Variants in CDKAL1 observed in about 807,000 individuals in gnomAD.
The protein encoded by CDKAL1 is CDKAL1 threonylcarbamoyladenosine tRNA methylthiotransferase.
CDKAL1 carries 32 observed loss-of-function variants against 68.2 expected under a neutral mutation model. The observed-to-expected ratio is 0.47, with a 90% CI of 0.35 to 0.63. The LOEUF (loss-of-function observed/expected upper bound fraction) is 0.63. Ranked by LOEUF, CDKAL1 falls within the 30% of genes least tolerant of loss-of-function variation. The pLI is 0.00. For synonymous variants in CDKAL1, 234 were observed against 244.3 expected (o/e 0.96, Z 0.39); for missense variants, 606 against 696.7 (o/e 0.87, Z 1.47).
At chr6:21,152,986 T>G (rs1042732750) in intron 13 of CDKAL1, among the ~76,000 whole-genome samples, 2 of 152,208 alleles carry the variant, frequency 1.3e-5, no homozygotes, top group Admixed American at 1.3e-4. Context: ...TTTGAGTCTT[T>G]TATCTCTCCT....
chr6:21,034,955 T>C (rs1769491777), intron 11 of CDKAL1, among the ~76,000 whole-genome samples: 1 of 152,178 alleles, frequency 6.6e-6, no homozygotes, highest in African/African-American at 2.4e-5. Context: ...TTTTGAAATC[T>C]TTTAATCTAT....
intron 4 of CDKAL1, among the ~76,000 whole-genome samples, chr6:20,570,534 A>G: frequency 6.6e-6 from 1 of 152,028 alleles, no homozygotes; most frequent in Non-Finnish European, 1.5e-5. Flanking sequence ...CCGAGTAGCT[A>G]GGACTACAGG....
At chr6:20,730,037 T>G (rs1772837144) in intron 5 of CDKAL1, among the ~76,000 whole-genome samples, 1 of 152,086 alleles carries the variant, frequency 6.6e-6, no homozygotes, top group Non-Finnish European at 1.5e-5. Flanking sequence ...AAAATTACAT[T>G]GGCCTGGCAC....
intron 13 of CDKAL1, among the ~76,000 whole-genome samples, chr6:21,167,174 T>A (rs1777188106): frequency 6.6e-6 from 1 of 152,246 alleles, no homozygotes; most frequent in Non-Finnish European, 1.5e-5. Context: ...GCATATCCTG[T>A]AGTTCTAACA....
intron 10 of CDKAL1, among the ~76,000 whole-genome samples, chr6:20,972,273 C>G (rs1765637200): frequency 6.6e-6 from 1 of 152,164 alleles, no homozygotes; most frequent in South Asian, 2.1e-4. Flanking sequence ...ACACTGGTGG[C>G]CCTGTAGAAG....
intron 8 of CDKAL1, among the ~76,000 whole-genome samples, chr6:20,842,723 C>T (rs1182434537): frequency 1.3e-5 from 2 of 152,078 alleles, no homozygotes; most frequent in Admixed American, 6.5e-5. Flanking sequence ...CCCAGCTACT[C>T]GGGAGCCTGA....
chr6:20,988,024 A>G (rs1581972045), intron 10 of CDKAL1, among the ~76,000 whole-genome samples: 2 of 149,456 alleles, frequency 1.3e-5, no homozygotes, highest in Non-Finnish European at 3.0e-5. Context: ...CATTCAAGCT[A>G]TCCTCCCACC....
intron 9 of CDKAL1, among the ~76,000 whole-genome samples, chr6:20,868,078 G>A (rs553460691): frequency 1.3e-4 from 19 of 151,918 alleles, no homozygotes; most frequent in Non-Finnish European, 2.2e-4. Context: ...CTTATATTGC[G>A]GTTTAATTAG....
In CDKAL1 at chr6:20,655,804, A is replaced by C. The variant is rs772682357; in HGVS notation, c.371+6427A>C. Reference sequence around the variant, plus strand: ...TTCCACGTTGTCCAAGATGACTCTAAGGTCTCTGGCTAGAATGAAGTGAGG... The same window carrying C: ...TTCCACGTTGTCCAAGATGACTCTACGGTCTCTGGCTAGAATGAAGTGAGG... On this transcript the variant is annotated intron_variant, in intron 5 of 15. Coordinates refer to ENST00000274695, the MANE Select transcript of CDKAL1 (RefSeq NM_017774.3). 4.6e-5 allele frequency among the ~76,000 whole-genome samples: 7 copies of C among 152,266 alleles called. 1 individual carries two copies. Among genetic ancestry groups the C allele is most frequent in the Middle Eastern group, 3.4e-3 (1 of 294 alleles).
chr6:21,067,709 T>TG (rs1395917308), intron 12 of CDKAL1, among the ~76,000 whole-genome samples: 1 of 152,078 alleles, frequency 6.6e-6, no homozygotes, highest in Non-Finnish European at 1.5e-5. Context: ...ACTTTTCCAC[T>TG]GGGGGGTCTG....
At chr6:21,199,347 T>C (rs529600432) in intron 14 of CDKAL1, among the ~76,000 whole-genome samples, 1 of 152,306 alleles carries the variant, frequency 6.6e-6, no homozygotes, top group African/African-American at 2.4e-5. Flanking sequence ...TCAGTACCGG[T>C]GGAGACTGCA....
At chr6:20,609,381 TTCTTCTTCTTCTTCTTCTTC>T (rs1766501807) in intron 4 of CDKAL1, among the ~76,000 whole-genome samples, 2 of 105,440 alleles carry the variant, frequency 1.9e-5, no homozygotes, top group African/African-American at 7.0e-5. Context: ...CTCCTTCTTC[TTCTTCTTCTTCTTCTTCTTC>T]TTTTTTTTTT....
At chr6:21,204,095 G>A (rs746001479) in intron 15 of CDKAL1, among the ~76,000 whole-genome samples, 1 of 152,150 alleles carries the variant, frequency 6.6e-6, no homozygotes, top group Non-Finnish European at 1.5e-5. Context: ...TAGACAGGAC[G>A]TGGGGTCAGC....
At chr6:21,155,000 C>CAA (rs70993207) in intron 13 of CDKAL1, among the ~76,000 whole-genome samples, 1 of 142,130 alleles carries the variant, frequency 7.0e-6, no homozygotes, top group Non-Finnish European at 1.5e-5. Context: ...CCACCCCCCC[C>CAA]AAAAAAAAAA....
At chr6:21,106,918 A>C (rs1773875333) in intron 12 of CDKAL1, among the ~76,000 whole-genome samples, 1 of 150,468 alleles carries the variant, frequency 6.6e-6, no homozygotes, top group African/African-American at 2.4e-5. Context: ...GGCAGGGATC[A>C]CAGTGGATGA....
At chr6:20,721,739 T>G (rs1428957723) in intron 5 of CDKAL1, among the ~76,000 whole-genome samples, 5 of 141,112 alleles carry the variant, frequency 3.5e-5, no homozygotes, top group Middle Eastern at 3.3e-3. Context: ...TTTTTTTTTT[T>G]TTTTTTTTTT....
At chr6:20,993,904 A>T (rs933459941) in intron 10 of CDKAL1, among the ~76,000 whole-genome samples, 1 of 152,212 alleles carries the variant, frequency 6.6e-6, no homozygotes, top group African/African-American at 2.4e-5. Context: ...TCTATATTTT[A>T]AGCAGCCTTA....
rs190385613 is a variant in CDKAL1 at position 20,541,775 on chromosome 6, C to T, written c.-5-4571C>T. ...TCCCGGGTTCAAGCAATTCTCCTGT[C>T]TCAGCCTCCTGAGTAGCTGGGATTA... is the stretch of plus-strand genomic sequence containing the variant. On this transcript the variant is annotated intron_variant, in intron 2 of 15. Coordinates refer to ENST00000274695, the MANE Select transcript of CDKAL1 (RefSeq NM_017774.3). Among the ~76,000 whole-genome samples the T allele has an allele frequency of 1.2e-3, 183 of 152,302 alleles. 1 individual carries two copies. Among genetic ancestry groups the T allele is most frequent in the African/African-American group, 4.3e-3 (180 of 41,566 alleles).
At chr6:20,690,560 A>C (rs1202455366) in intron 5 of CDKAL1, among the ~76,000 whole-genome samples, 1 of 152,072 alleles carries the variant, frequency 6.6e-6, no homozygotes, top group Non-Finnish European at 1.5e-5. Context: ...TTCCAATTTT[A>C]GTTTTGCTAA....
Sources: gnomAD v4.1 joint callset for allele counts (sites outside exome capture counted in the v4.1 genomes callset) on GRCh38, gnomAD v4.1.1 for gene constraint, MANE v1.5 for transcripts, NCBI Gene and HGNC (gene_info 2026-07-23, HGNC 2026-07-21) for gene names.